C10orf88: variants seen among roughly 807,000 people sequenced by gnomAD.
C10orf88 encodes the protein chromosome 10 open reading frame 88.
In C10orf88, 29 loss-of-function variants were observed where a neutral mutation model predicts 34.2. The observed-to-expected ratio is 0.85, with a 90% CI of 0.63 to 1.16. The LOEUF is 1.16. Ranked by LOEUF, C10orf88 falls within the 50% of genes most tolerant of loss-of-function variation. The probability of loss-of-function intolerance (pLI) is 0.00; values close to 1 mark genes in which losing one functional copy is unlikely to be tolerated. For missense variants in C10orf88, 507 were observed against 533.2 expected (o/e 0.95, Z 0.48); for synonymous variants, 194 against 197.4 (o/e 0.98, Z 0.15).
intron 4 of C10orf88, among the ~76,000 whole-genome samples, chr10:122,947,832 A>C (rs1848653511): frequency 6.6e-6 from 1 of 152,174 alleles, no homozygotes; most frequent in Admixed American, 6.5e-5. Flanking sequence ...TCATAATACC[A>C]ATATTAAGTT....
At chr10:122,953,089 C>G in intron 1 of C10orf88, 57 bp from the exon 2 acceptor site, 1 of 1,395,542 alleles carries the variant, frequency 7.2e-7, no homozygotes, top group Non-Finnish European at 1.0e-6. Context: ...CATGACTCTT[C>G]TTTTTTGAGA....
chr10:122,937,335 A>G (rs997909386), intron 5 of C10orf88, among the ~76,000 whole-genome samples: 13 of 152,042 alleles, frequency 8.6e-5, no homozygotes, highest in African/African-American at 2.9e-4. Flanking sequence ...AAATGTCACA[A>G]TGACATGCTT....
intron 5 of C10orf88, chr10:122,933,599 A>C (rs575201762): frequency 1.3e-5 from 2 of 152,286 alleles, no homozygotes; most frequent in East Asian, 3.9e-4. Context: ...ATACTCATGA[A>C]TTTTCCAGAG....
At chr10:122,953,802 C>A (rs1229350200) in intron 1 of C10orf88, among the ~76,000 whole-genome samples, 3 of 152,100 alleles carry the variant, frequency 2.0e-5, no homozygotes, top group Non-Finnish European at 4.4e-5. Flanking sequence ...CACCTTCCCC[C>A]TCTCACGCCC....
At chr10:122,949,385 G>T (rs1348516334) in intron 3 of C10orf88, among the ~76,000 whole-genome samples, 8 of 152,120 alleles carry the variant, frequency 5.3e-5, no homozygotes, top group African/African-American at 1.7e-4. Flanking sequence ...TACCCTTCCT[G>T]TAATGACGTG....
intron 4 of C10orf88, among the ~76,000 whole-genome samples, chr10:122,944,069 T>C (rs934444424): frequency 2.0e-5 from 3 of 151,972 alleles, no homozygotes; most frequent in Non-Finnish European, 2.9e-5. Context: ...TAAAGACACA[T>C]GCACACATAT....
At chr10:122,944,967 C>A (rs1454938222) in intron 4 of C10orf88, among the ~76,000 whole-genome samples, 3 of 150,588 alleles carry the variant, frequency 2.0e-5, no homozygotes, top group Non-Finnish European at 4.4e-5. Flanking sequence ...AATAGCTGAT[C>A]AATCCAATAG....
chr10:122,947,681 T>A (rs897301565), intron 4 of C10orf88, among the ~76,000 whole-genome samples: 2 of 152,318 alleles, frequency 1.3e-5, no homozygotes, highest in Admixed American at 6.5e-5. Flanking sequence ...TTCCAGGGAA[T>A]GTCTTATTCA....
intron 4 of C10orf88, among the ~76,000 whole-genome samples, chr10:122,938,812 CA>C (rs1848558012): frequency 6.6e-6 from 1 of 151,938 alleles, no homozygotes; most frequent in East Asian, 1.9e-4. Flanking sequence ...ACTGGTTATG[CA>C]GTATTATTTC....
At chr10:122,937,161 C>A (rs1183830639) in intron 5 of C10orf88, among the ~76,000 whole-genome samples, 1 of 151,970 alleles carries the variant, frequency 6.6e-6, no homozygotes, top group East Asian at 1.9e-4. Context: ...TCTACTTAAG[C>A]AATTAGGAAC....
At chr10:122,952,307 A>G (rs1416164159) in intron 2 of C10orf88, among the ~76,000 whole-genome samples, 1 of 152,228 alleles carries the variant, frequency 6.6e-6, no homozygotes. Flanking sequence ...TCCAACATGC[A>G]GGATATAAAA....
intron 4 of C10orf88, among the ~76,000 whole-genome samples, chr10:122,945,255 G>T (rs1197559910): frequency 6.6e-6 from 1 of 152,100 alleles, no homozygotes; most frequent in Non-Finnish European, 1.5e-5. Context: ...CAATGTTGGT[G>T]TAAACCAACC....
chr10:122,951,304 A>G (rs959969026), intron 3 of C10orf88, among the ~76,000 whole-genome samples: 3 of 152,204 alleles, frequency 2.0e-5, no homozygotes, highest in African/African-American at 7.2e-5. Context: ...ATTTCCCAAC[A>G]CTTCAAAATA....
intron 5 of C10orf88, among the ~76,000 whole-genome samples, chr10:122,935,175 A>G (rs1848523306): frequency 6.6e-6 from 1 of 151,988 alleles, no homozygotes; most frequent in African/African-American, 2.4e-5. Context: ...ATGGGGCCCA[A>G]TAAATCAGTT....
At position 122,948,667 on chromosome 10, in the gene C10orf88, C is replaced by G; in HGVS notation, c.630G>C (p.Met210Ile). The part of the protein sequence containing the change: ...LSPGAQQLMD[M>I]VRCQQRNCIP... ...TACTTACCCGCTGCTGACACCTAAC[C>G]ATATCCATCAACTGCTGAGCTCCAG... Residue 210 changes from methionine to isoleucine, a missense_variant, in exon 4 of 6, where the codon ATG becomes ATC. Transcript: ENST00000481909. 6.2e-7 allele frequency: 1 copy of G among 1,613,822 alleles called. No homozygotes were observed. Among genetic ancestry groups the G allele is most frequent in the Non-Finnish European group, 8.5e-7 (1 of 1,179,812 alleles).
chr10:122,953,142 A>G (rs1848708460), intron 1 of C10orf88, 110 bp from the exon 2 acceptor site: 1 of 852,784 alleles, frequency 1.2e-6, no homozygotes. Flanking sequence ...CAGTGGCTCC[A>G]TCTCGGCTCA....
Position 122,932,125 on chromosome 10 carries a change from C to T in C10orf88, c.*302G>A, listed in dbSNP as rs1848489013. On this transcript the variant is annotated 3_prime_UTR_variant, in exon 6 of 6. Coordinates refer to ENST00000481909, the MANE Select transcript of C10orf88 (RefSeq NM_024942.4). ...ATTATACTTAAACACATATACAATA[C>T]AAACTAATGAACTGTATTAGAAATC... 4.5e-6 allele frequency: 1 copy of T among 224,576 alleles called. No homozygotes were observed. The highest frequency in any genetic ancestry group is 2.3e-5 in the African/African-American group (1 of 44,132). 13.9% of individuals were successfully genotyped at this position (224,576 alleles called of 1,614,324 possible).
intron 5 of C10orf88, among the ~76,000 whole-genome samples, chr10:122,937,094 C>A (rs1848540341): frequency 6.6e-6 from 1 of 151,860 alleles, no homozygotes; most frequent in Non-Finnish European, 1.5e-5. Context: ...ATGTTTAAGC[C>A]AAAACCACAC....
chr10:122,941,050 T>C (rs1848576284), intron 4 of C10orf88, among the ~76,000 whole-genome samples: 1 of 152,206 alleles, frequency 6.6e-6, no homozygotes, highest in East Asian at 1.9e-4. Context: ...CTTTTTGCTT[T>C]TTAATTTTTT....
Sources: gnomAD v4.1 joint callset for allele counts (sites outside exome capture counted in the v4.1 genomes callset) on GRCh38, gnomAD v4.1.1 for gene constraint, MANE v1.5 for transcripts, NCBI Gene and HGNC (gene_info 2026-07-23, HGNC 2026-07-21) for gene names.